Variants in FOXP1 observed in about 807,000 individuals in gnomAD.
FOXP1 encodes the protein forkhead box protein P1.
A neutral mutation model predicts 98.2 loss-of-function variants in FOXP1; 15 were observed. The ratio of observed to expected loss-of-function variants is 0.15; its 90% CI spans 0.10 to 0.24. The LOEUF (loss-of-function observed/expected upper bound fraction) is 0.24. FOXP1 is among the 10% of genes least tolerant of loss of function. FOXP1 has a pLI of 1.00. For missense variants in FOXP1, 633 were observed against 848.5 expected, an observed-to-expected ratio of 0.75 and a Z score of 3.15; for synonymous variants, 371 against 314.5, an observed-to-expected ratio of 1.18 and a Z score of -1.90.
At chr3:71,236,933 G>A (rs541326790) in intron 5 of FOXP1, among the ~76,000 whole-genome samples, 1 of 151,284 alleles carries the variant, frequency 6.6e-6, no homozygotes, top group Admixed American at 6.6e-5. Flanking sequence ...TAGTGAAACT[G>A]GTTTTAAAAA....
chr3:71,374,543 A>C (rs1457101800), intron 3 of FOXP1, among the ~76,000 whole-genome samples: 1 of 152,092 alleles, frequency 6.6e-6, no homozygotes, highest in Non-Finnish European at 1.5e-5. Flanking sequence ...TAGTGAGCCA[A>C]GAGTGCGCCA....
At chr3:71,046,869 A>C (rs1253820756) in intron 10 of FOXP1, 73 bp downstream of exon 10, 8 of 1,517,610 alleles carry the variant, frequency 5.3e-6, no homozygotes, top group Non-Finnish European at 7.3e-6. Flanking sequence ...CTTAACAAAT[A>C]TACCAAGAGA....
At chr3:71,266,434 G>C (rs2069669293) in intron 5 of FOXP1, among the ~76,000 whole-genome samples, 1 of 151,892 alleles carries the variant, frequency 6.6e-6, no homozygotes. Context: ...ATTTTTAGTA[G>C]AGACAGGGTT....
At chr3:71,345,239 T>C (rs533517175) in intron 4 of FOXP1, among the ~76,000 whole-genome samples, 86 of 151,628 alleles carry the variant, frequency 5.7e-4, no homozygotes, top group African/African-American at 1.9e-3. Flanking sequence ...AATACAAAAA[T>C]TCGCTGGGTG....
chr3:71,409,824 G>A (rs1215597261), intron 3 of FOXP1, among the ~76,000 whole-genome samples: 1 of 152,080 alleles, frequency 6.6e-6, no homozygotes, highest in African/African-American at 2.4e-5. Context: ...GACCAGCCTG[G>A]GCAACATGGC....
At chr3:71,220,591 T>C (rs1453417637) in intron 5 of FOXP1, among the ~76,000 whole-genome samples, 1 of 146,734 alleles carries the variant, frequency 6.8e-6, no homozygotes, top group Non-Finnish European at 1.5e-5. Context: ...CTATCAAAAA[T>C]ACAAAAAAAA....
chr3:71,147,128 G>A (rs530063043), intron 6 of FOXP1, among the ~76,000 whole-genome samples: 2 of 152,310 alleles, frequency 1.3e-5, no homozygotes, highest in South Asian at 4.1e-4. Context: ...TGGATCTACT[G>A]ACTATATTCT....
At chr3:71,015,506 G>A (rs1329090114) in intron 12 of FOXP1, 43 bp downstream of exon 12, 2 of 1,354,450 alleles carry the variant, frequency 1.5e-6, no homozygotes, top group Admixed American at 3.4e-5. Flanking sequence ...GGTGGGAGGT[G>A]TTGGCTATGT....
chr3:71,192,566 C>T (rs1240338825), intron 6 of FOXP1, among the ~76,000 whole-genome samples: 1 of 152,222 alleles, frequency 6.6e-6, no homozygotes, highest in African/African-American at 2.4e-5. Context: ...CAATGTCCAC[C>T]AGCAATTTCA....
intron 12 of FOXP1, among the ~76,000 whole-genome samples, chr3:71,010,560 G>A (rs1285970767): frequency 6.6e-6 from 1 of 152,066 alleles, no homozygotes; most frequent in Non-Finnish European, 1.5e-5. Flanking sequence ...ACAGAAAATA[G>A]GTGAAAATAA....
chr3:71,041,085 C>A (rs1039054968), intron 11 of FOXP1, among the ~76,000 whole-genome samples: 4 of 152,186 alleles, frequency 2.6e-5, no homozygotes, highest in African/African-American at 9.6e-5. Context: ...TGAGAAACTA[C>A]ACGACTTCTG....
chr3:71,315,505 GACT>G, intron 4 of FOXP1, among the ~76,000 whole-genome samples: 1 of 152,262 alleles, frequency 6.6e-6, no homozygotes, highest in East Asian at 1.9e-4. Context: ...GCGTGACCCA[GACT>G]ACTAAGTGGA....
chr3:71,102,488 G>A (rs1237525751), intron 7 of FOXP1, among the ~76,000 whole-genome samples: 1 of 152,114 alleles, frequency 6.6e-6, no homozygotes, highest in African/African-American at 2.4e-5. Context: ...AATTACATCG[G>A]TACACAAATT....
At chr3:71,363,969 CTGGGTCCCTGAAAGACTACAT>C (rs1206851121) in intron 3 of FOXP1, among the ~76,000 whole-genome samples, 1 of 152,180 alleles carries the variant, frequency 6.6e-6, no homozygotes, top group Non-Finnish European at 1.5e-5. Context: ...TGGAATTCGC[CTGGGTCCCTGAAAGACTACAT>C]GGAGCAGAGC....
intron 5 of FOXP1, among the ~76,000 whole-genome samples, chr3:71,218,582 T>G (rs1178009632): frequency 2.0e-5 from 3 of 152,200 alleles, no homozygotes; most frequent in Non-Finnish European, 4.4e-5. Flanking sequence ...CTGCAAACTT[T>G]TTCTGTGGTG....
intron 3 of FOXP1, among the ~76,000 whole-genome samples, chr3:71,359,704 G>A (rs1204529567): frequency 6.6e-6 from 1 of 152,036 alleles, no homozygotes; most frequent in Non-Finnish European, 1.5e-5. Context: ...AATAATTTTG[G>A]AATTGTAGTA....
At chr3:71,138,631 T>C (rs1305674776) in intron 6 of FOXP1, among the ~76,000 whole-genome samples, 3 of 152,138 alleles carry the variant, frequency 2.0e-5, no homozygotes, top group Non-Finnish European at 4.4e-5. Context: ...GTGATACAAA[T>C]ATACCACACT....
At chr3:71,187,276 C>T (rs970674098) in intron 6 of FOXP1, among the ~76,000 whole-genome samples, 9 of 152,198 alleles carry the variant, frequency 5.9e-5, no homozygotes, top group Admixed American at 1.3e-4. Context: ...ATGCGTGATG[C>T]TTTTCCTGTC....
intron 7 of FOXP1, among the ~76,000 whole-genome samples, chr3:71,080,206 A>G (rs1001498449): frequency 3.9e-5 from 6 of 152,230 alleles, no homozygotes. Flanking sequence ...TAAACCTATA[A>G]ATCAAAAGTG....
Sources: gnomAD v4.1 joint callset for allele counts (sites outside exome capture counted in the v4.1 genomes callset) on GRCh38, gnomAD v4.1.1 for gene constraint, MANE v1.5 for transcripts, NCBI Gene and HGNC (gene_info 2026-07-23, HGNC 2026-07-21) for gene names.